The following RPS6KC1 variants were observed in gnomAD, a reference collection of about 807,000 sequenced individuals.
RPS6KC1 encodes ribosomal protein S6 kinase C1.
A neutral mutation model predicts 103.8 loss-of-function variants in RPS6KC1; 54 were observed. The ratio of observed to expected loss-of-function variants is 0.52; its 90% confidence interval spans 0.42 to 0.65. The LOEUF (loss-of-function observed/expected upper bound fraction) is 0.65. Among genes scored for constraint, RPS6KC1 ranks in the 30% least tolerant of loss-of-function variants. The pLI, the probability that RPS6KC1 is intolerant of heterozygous loss-of-function variation, is 0.00. For synonymous variants in RPS6KC1, 439 were observed against 438.7 expected, an observed-to-expected ratio of 1.00 and a Z score of -0.01; for missense variants, 1,151 against 1,253.8, an observed-to-expected ratio of 0.92 and a Z score of 1.24.
the RPS6KC1 span, among the ~76,000 whole-genome samples, chr1:213,722,632 C>T: frequency 6.6e-6 from 1 of 152,130 alleles, no homozygotes; most frequent in African/African-American, 2.4e-5. Flanking sequence ...ATCTCCCTTC[C>T]CCAGTGGAGG....
downstream of RPS6KC1, among the ~76,000 whole-genome samples, chr1:213,277,658 A>C (rs1317190919): frequency 6.6e-6 from 1 of 152,284 alleles, no homozygotes; most frequent in Non-Finnish European, 1.5e-5. Context: ...ATTAATTGAC[A>C]TGCTTATCCT....
At chr1:213,708,942 A>C in the RPS6KC1 span, among the ~76,000 whole-genome samples, 1 of 152,138 alleles carries the variant, frequency 6.6e-6, no homozygotes, top group Non-Finnish European at 1.5e-5. Context: ...GTGTTGCTGG[A>C]TTCGGTTCGC....
chr1:213,488,714 A>T, the RPS6KC1 span, among the ~76,000 whole-genome samples: 3 of 152,194 alleles, frequency 2.0e-5, no homozygotes, highest in South Asian at 6.2e-4. Flanking sequence ...TGCAACTAAA[A>T]ACTAATTCTG....
intron 14 of RPS6KC1, among the ~76,000 whole-genome samples, chr1:213,264,110 T>C (rs936139174): frequency 6.6e-6 from 1 of 152,184 alleles, no homozygotes; most frequent in Non-Finnish European, 1.5e-5. Context: ...TGGGGTTCTA[T>C]CATCACAAAC....
At chr1:213,448,630 C>T in the RPS6KC1 span, among the ~76,000 whole-genome samples, 1 of 152,102 alleles carries the variant, frequency 6.6e-6, no homozygotes, top group African/African-American at 2.4e-5. Context: ...GAGCATGAGT[C>T]TCACACAGTC....
At chr1:213,243,893 C>A (rs1421234559) in intron 12 of RPS6KC1, among the ~76,000 whole-genome samples, 1 of 152,148 alleles carries the variant, frequency 6.6e-6, no homozygotes, top group Admixed American at 6.5e-5. Context: ...ATTAAAAGAG[C>A]TAGATTGTTT....
At chr1:213,547,889 T>C in the RPS6KC1 span, among the ~76,000 whole-genome samples, 7 of 152,210 alleles carry the variant, frequency 4.6e-5, no homozygotes, top group African/African-American at 1.7e-4. Flanking sequence ...CTTTACAAGT[T>C]ACTCAGCCTC....
chr1:213,199,202 T>C (rs2093060870), intron 8 of RPS6KC1, among the ~76,000 whole-genome samples: 1 of 152,206 alleles, frequency 6.6e-6, no homozygotes, highest in Non-Finnish European at 1.5e-5. Context: ...AAGGAAAACT[T>C]CAGGCCATTA....
the RPS6KC1 span, among the ~76,000 whole-genome samples, chr1:213,371,450 G>T: frequency 0.04 from 6,162 of 152,210 alleles, 159 homozygotes; most frequent in African/African-American, 0.058. Flanking sequence ...TCTTTTGGGT[G>T]TATACCCAAA....
At chr1:213,770,411 T>C in the RPS6KC1 span, among the ~76,000 whole-genome samples, 1 of 152,182 alleles carries the variant, frequency 6.6e-6, no homozygotes, top group Non-Finnish European at 1.5e-5. Context: ...CATACCTAAA[T>C]GTATGTGAAA....
chr1:213,830,053 T>A, the RPS6KC1 span, among the ~76,000 whole-genome samples: 1 of 152,254 alleles, frequency 6.6e-6, no homozygotes, highest in South Asian at 2.1e-4. Flanking sequence ...TAACTGCTGG[T>A]CCCCACTGGC....
At chr1:213,303,720 C>T in the RPS6KC1 span, among the ~76,000 whole-genome samples, 2 of 152,086 alleles carry the variant, frequency 1.3e-5, no homozygotes, top group African/African-American at 4.8e-5. Context: ...TTTGAATGAG[C>T]CAACTTGAGG....
chr1:213,098,544 T>C (rs560598816), intron 3 of RPS6KC1, among the ~76,000 whole-genome samples: 1 of 152,176 alleles, frequency 6.6e-6, no homozygotes, highest in East Asian at 1.9e-4. Context: ...TTCAATATTG[T>C]TGTGTCTCAG....
chr1:213,714,742 A>G, the RPS6KC1 span, among the ~76,000 whole-genome samples: 2 of 152,242 alleles, frequency 1.3e-5, no homozygotes, highest in Admixed American at 6.5e-5. Flanking sequence ...TTCTAGGCAG[A>G]TTGGCTTGAT....
At chr1:213,193,411 A>T (rs1336241883) in intron 8 of RPS6KC1, among the ~76,000 whole-genome samples, 1 of 152,106 alleles carries the variant, frequency 6.6e-6, no homozygotes, top group Non-Finnish European at 1.5e-5. Flanking sequence ...GGCACATGCC[A>T]CCATGCCTGG....
chr1:213,641,777 G>A, the RPS6KC1 span, among the ~76,000 whole-genome samples: 1 of 151,620 alleles, frequency 6.6e-6, no homozygotes, highest in African/African-American at 2.4e-5. Flanking sequence ...TGTGTCTGAG[G>A]CAAAGTGATA....
chr1:213,860,023 A>T, the RPS6KC1 span, among the ~76,000 whole-genome samples: 1 of 151,912 alleles, frequency 6.6e-6, no homozygotes, highest in African/African-American at 2.4e-5. Context: ...GATCAGGAAA[A>T]AATGGATATT....
chr1:213,468,271 A>T, the RPS6KC1 span, among the ~76,000 whole-genome samples: 2 of 152,260 alleles, frequency 1.3e-5, no homozygotes, highest in African/African-American at 4.8e-5. Flanking sequence ...ATATACGTGT[A>T]TACTTACCTT....
At chr1:213,390,370 G>C in the RPS6KC1 span, among the ~76,000 whole-genome samples, 1 of 152,078 alleles carries the variant, frequency 6.6e-6, no homozygotes, top group Non-Finnish European at 1.5e-5. Flanking sequence ...TAATCCTTCC[G>C]TTGTAATACA....
Sources: allele counts gnomAD v4.1 joint callset (sites outside exome capture counted in the v4.1 genomes callset), GRCh38; gene constraint gnomAD v4.1.1; transcripts MANE v1.5; gene names NCBI Gene and HGNC (gene_info 2026-07-23, HGNC 2026-07-21).